THSD7B: variants seen among roughly 807,000 people sequenced by gnomAD.
THSD7B encodes the protein thrombospondin type-1 domain-containing protein 7B.
THSD7B carries 138 observed loss-of-function variants against 213.6 expected under a neutral mutation model. The observed-to-expected ratio is 0.65, with a 90% CI of 0.56 to 0.74. The LOEUF (loss-of-function observed/expected upper bound fraction) is 0.74. THSD7B is among the 30% of genes least tolerant of loss of function. THSD7B has a pLI of 0.00. For missense variants in THSD7B, 1,931 were observed against 1,991.5 expected (o/e 0.97, Z 0.58); for synonymous variants, 742 against 687.0 (o/e 1.08, Z -1.25).
At position 136,994,746 on chromosome 2, in the gene THSD7B, C is replaced by T. The variant is rs112095887; in HGVS notation, c.140-61674C>T. On this transcript the variant is annotated intron_variant, in intron 2 of 27. Transcript: ENST00000409968. ...TACAACAAGTGTAAACAACTTGTTC[C>T]ACATTATATAAATAATAAGCATCAA... is the stretch of plus-strand genomic sequence containing the variant. Among the ~76,000 whole-genome samples the T allele has an allele frequency of 1.9e-3, 284 of 152,256 alleles. 1 individual carries two copies. The highest frequency in any genetic ancestry group is 5.6e-3 in the Admixed American group (85 of 15,290).
At chr2:136,856,037 T>C (rs1211094672) in intron 1 of THSD7B, among the ~76,000 whole-genome samples, 1 of 152,196 alleles carries the variant, frequency 6.6e-6, no homozygotes, top group Non-Finnish European at 1.5e-5. Context: ...AAGCACTTTC[T>C]ATTACACCAC....
intron 17 of THSD7B, among the ~76,000 whole-genome samples, chr2:137,590,837 G>C (rs1399000842): frequency 8.1e-6 from 1 of 123,680 alleles, no homozygotes; most frequent in African/African-American, 3.1e-5. Flanking sequence ...CATAATACCT[G>C]ATGGTATAAA....
At position 136,823,859 on chromosome 2, in the gene THSD7B, T is replaced by C. The variant is rs558183621; in HGVS notation, c.-36+58172T>C. Among the ~76,000 whole-genome samples the C allele has an allele frequency of 3.5e-4, 54 of 152,326 alleles. 2 individuals are homozygous for C. In the South Asian group the frequency reaches 0.011, roughly 32 times the overall value. On this transcript the variant is annotated intron_variant, in intron 1 of 27. Transcript: ENST00000409968. ...TCCTTTGAATTGTCCCTGTTGGTAT[T>C]AGGAAATTGACCAAGGTGTAGCAAA...
rs1400531470 is a variant in THSD7B at position 137,160,225 on chromosome 2, TG to T, written c.1384del (p.Glu462LysfsTer25). The T allele has an allele frequency of 1.9e-6, 3 of 1,613,116 alleles. No individual in the cohort carries two copies. Among genetic ancestry groups the T allele is most frequent in the Non-Finnish European group, 2.5e-6 (3 of 1,179,498 alleles). ...TTTTGTCCCTCAGTCTCTAGACCTG[TG>T]GAAAAGGCATTATGTGTGGGACCCG... The part of the protein sequence containing the change: ...ALRAKEVSRP[V>X]EKALCVGPAP... On this transcript the variant is annotated frameshift_variant, in exon 6 of 28. Coordinates refer to ENST00000409968, the MANE Select transcript of THSD7B (RefSeq NM_001316349.2). LOFTEE classifies it high-confidence loss of function.
intron 15 of THSD7B, among the ~76,000 whole-genome samples, chr2:137,471,345 G>A (rs1044283811): frequency 3.9e-5 from 6 of 152,134 alleles, no homozygotes; most frequent in Non-Finnish European, 7.3e-5. Flanking sequence ...TATAAAACAA[G>A]CCAACAAACT....
intron 5 of THSD7B, among the ~76,000 whole-genome samples, chr2:137,147,170 A>G (rs1258831024): frequency 2.0e-5 from 3 of 152,204 alleles, no homozygotes; most frequent in Admixed American, 6.5e-5. Flanking sequence ...TGGCTGTGAC[A>G]TAGTGAAGAG....
chr2:137,074,403 G>A (rs1558909657), intron 3 of THSD7B, among the ~76,000 whole-genome samples: 1 of 152,036 alleles, frequency 6.6e-6, no homozygotes, highest in Admixed American at 6.6e-5. Context: ...GACTAGGATT[G>A]CAACCCCTGC....
chr2:137,146,308 A>G (rs946408027), intron 5 of THSD7B, among the ~76,000 whole-genome samples: 3 of 152,142 alleles, frequency 2.0e-5, no homozygotes, highest in Admixed American at 1.3e-4. Context: ...TCAAATTAAA[A>G]AGATAGATTT....
chr2:137,144,835 TTTA>T (rs1382518671), intron 5 of THSD7B, among the ~76,000 whole-genome samples: 1 of 152,066 alleles, frequency 6.6e-6, no homozygotes, highest in African/African-American at 2.4e-5. Context: ...GATTTTATCT[TTTA>T]TTATTATTTT....
chr2:137,299,892 T>C (rs939305602), intron 12 of THSD7B, among the ~76,000 whole-genome samples: 5 of 152,114 alleles, frequency 3.3e-5, no homozygotes, highest in African/African-American at 9.7e-5. Flanking sequence ...TTTTGAGAAA[T>C]TGCTTTTAAA....
chr2:136,863,153 C>T (rs896326372), intron 1 of THSD7B, among the ~76,000 whole-genome samples: 1 of 152,188 alleles, frequency 6.6e-6, no homozygotes, highest in African/African-American at 2.4e-5. Flanking sequence ...GGGAAATTGG[C>T]ACTTACACAG....
intron 12 of THSD7B, among the ~76,000 whole-genome samples, chr2:137,299,117 A>T (rs752596827): frequency 4.6e-5 from 7 of 152,162 alleles, no homozygotes; most frequent in Non-Finnish European, 1.5e-5. Context: ...AGACCATGGG[A>T]ACCCACCTTT....
chr2:136,902,537 A>G (rs939062437), intron 2 of THSD7B, among the ~76,000 whole-genome samples: 1 of 152,162 alleles, frequency 6.6e-6, no homozygotes, highest in African/African-American at 2.4e-5. Flanking sequence ...TCCCCTTTGC[A>G]TTCTAAGTGT....
At chr2:137,649,342 C>A (rs1237904507) in intron 21 of THSD7B, among the ~76,000 whole-genome samples, 1 of 152,122 alleles carries the variant, frequency 6.6e-6, no homozygotes, top group Non-Finnish European at 1.5e-5. Flanking sequence ...GAAAAAAAAT[C>A]TTTTCCCAGA....
chr2:137,632,297 C>T (rs796828000), intron 20 of THSD7B, among the ~76,000 whole-genome samples: 1 of 152,102 alleles, frequency 6.6e-6, no homozygotes, highest in Non-Finnish European at 1.5e-5. Context: ...CTTTAAGAAG[C>T]CCCTCTGAAT....
chr2:136,934,437 C>T (rs1684685946), intron 2 of THSD7B, among the ~76,000 whole-genome samples: 1 of 152,258 alleles, frequency 6.6e-6, no homozygotes, highest in African/African-American at 2.4e-5. Context: ...GGAACACTCT[C>T]ATTTCCAGTA....
At chr2:137,527,480 C>T (rs1334818675) in intron 15 of THSD7B, among the ~76,000 whole-genome samples, 1 of 152,004 alleles carries the variant, frequency 6.6e-6, no homozygotes, top group African/African-American at 2.4e-5. Context: ...AGGTCAGTTA[C>T]CTTGCTCCAT....
At chr2:136,794,746 T>C (rs182854581) in intron 1 of THSD7B, among the ~76,000 whole-genome samples, 1 of 152,138 alleles carries the variant, frequency 6.6e-6, no homozygotes, top group East Asian at 1.9e-4. Flanking sequence ...CATCCTTAAG[T>C]ATTTTTGTCT....
At chr2:137,213,693 C>T (rs1204537220) in intron 7 of THSD7B, among the ~76,000 whole-genome samples, 1 of 151,994 alleles carries the variant, frequency 6.6e-6, no homozygotes, top group Non-Finnish European at 1.5e-5. Flanking sequence ...CCAAAACAGA[C>T]ATCAATAAAC....
Sources: allele counts gnomAD v4.1 joint callset (sites outside exome capture counted in the v4.1 genomes callset), GRCh38; gene constraint gnomAD v4.1.1; transcripts MANE v1.5; gene names NCBI Gene and HGNC (gene_info 2026-07-23, HGNC 2026-07-21).